DNAJC15: variants seen among roughly 807,000 people sequenced by gnomAD.
The protein encoded by DNAJC15 is DnaJ heat shock protein family (Hsp40) member C15.
DNAJC15 carries 27 observed loss-of-function variants against 22.4 expected under a neutral mutation model. That is an observed-to-expected ratio of 1.20 (90% CI 0.89 to 1.66). The LOEUF (loss-of-function observed/expected upper bound fraction) is 1.66. Ranked by LOEUF, DNAJC15 falls within the 40% of genes most tolerant of loss-of-function variation. DNAJC15 has a pLI of 0.00. For missense variants in DNAJC15, 208 were observed against 187.1 expected, an observed-to-expected ratio of 1.11 and a Z score of -0.65; for synonymous variants, 79 against 63.2, an observed-to-expected ratio of 1.25 and a Z score of -1.19.
At chr13:43,099,214 C>A (rs1035146399) in intron 5 of DNAJC15, among the ~76,000 whole-genome samples, 1 of 152,034 alleles carries the variant, frequency 6.6e-6, no homozygotes. Flanking sequence ...TATAGAAATA[C>A]AATTAAGTTG....
At chr13:43,076,662 A>T (rs536758356) in intron 3 of DNAJC15, among the ~76,000 whole-genome samples, 1 of 152,280 alleles carries the variant, frequency 6.6e-6, no homozygotes, top group Non-Finnish European at 1.5e-5. Context: ...ATATATGTGT[A>T]TGTTTCCTCC....
In DNAJC15 at chr13:43,053,242, A is replaced by G. The variant is rs1357823110; in HGVS notation, c.109-12444A>G. Among the ~76,000 whole-genome samples the G allele has an allele frequency of 2.0e-5, 3 of 152,132 alleles. No individual in the cohort carries two copies. In the East Asian group the frequency reaches 5.8e-4, roughly 29 times the overall value. ...ATTTGGCTTTATTTCTGGGTTCTCT[A>G]TTCTGTTCTATTGGCCTATATGCCT... On this transcript the variant is annotated intron_variant, in intron 1 of 5. Coordinates refer to ENST00000379221, the MANE Select transcript of DNAJC15 (RefSeq NM_013238.3).
intron 5 of DNAJC15, among the ~76,000 whole-genome samples, chr13:43,091,134 G>A (rs187523728): frequency 3.1e-4 from 47 of 151,692 alleles, no homozygotes; most frequent in African/African-American, 1.1e-3. Context: ...ACCTAGGCTG[G>A]AGTGCAGTGG....
chr13:43,103,722 A>T (rs1470624795), intron 5 of DNAJC15, among the ~76,000 whole-genome samples: 1 of 152,156 alleles, frequency 6.6e-6, no homozygotes, highest in Non-Finnish European at 1.5e-5. Context: ...TGTTTTATGC[A>T]TTATTGAGAA....
chr13:43,086,832 T>G (rs2040691100), intron 5 of DNAJC15, among the ~76,000 whole-genome samples: 1 of 152,218 alleles, frequency 6.6e-6, no homozygotes, highest in South Asian at 2.1e-4. Context: ...GAATTACGAT[T>G]TATTTTGAGA....
At chr13:43,076,388 A>T (rs986630645) in intron 3 of DNAJC15, among the ~76,000 whole-genome samples, 8 of 152,182 alleles carry the variant, frequency 5.3e-5, no homozygotes, top group African/African-American at 1.7e-4. Context: ...AAATGGCCAG[A>T]TCTGACTCCC....
intron 1 of DNAJC15, among the ~76,000 whole-genome samples, chr13:43,033,288 A>G (rs1414819457): frequency 2.0e-5 from 3 of 152,200 alleles, no homozygotes; most frequent in Admixed American, 1.3e-4. Context: ...GTGGTGGCAC[A>G]TGCCAGTAGT....
At chr13:43,043,929 A>G (rs2040465023) in intron 1 of DNAJC15, among the ~76,000 whole-genome samples, 1 of 152,222 alleles carries the variant, frequency 6.6e-6, no homozygotes, top group Non-Finnish European at 1.5e-5. Context: ...GGTTCAATTT[A>G]GATATGAAAG....
chr13:43,031,665 A>G (rs2040404459), intron 1 of DNAJC15, among the ~76,000 whole-genome samples: 1 of 152,222 alleles, frequency 6.6e-6, no homozygotes, highest in African/African-American at 2.4e-5. Flanking sequence ...GCAGGTATAG[A>G]TCCTGCTAAT....
rs367928308 is a variant in DNAJC15, at chr13:43,048,424, G to A, written c.109-17262G>A. On this transcript the variant is annotated intron_variant, in intron 1 of 5. Transcript: ENST00000379221. ...GGAGAATCGTTTGAACCCGGGAGGC[G>A]GAGGTTGTGGTGAGCCGAGATTGCG... 1.8e-4 allele frequency among the ~76,000 whole-genome samples: 28 copies of A among 152,362 alleles called. No individual in the cohort carries two copies. In the South Asian group the frequency reaches 5.2e-3, roughly 28 times the overall value.
chr13:43,076,466 A>G (rs906703052), intron 3 of DNAJC15, among the ~76,000 whole-genome samples: 5 of 152,208 alleles, frequency 3.3e-5, no homozygotes, highest in African/African-American at 7.2e-5. Flanking sequence ...CTTTAATTGT[A>G]TAAATAGCCT....
rs950780820 is a variant in DNAJC15, at chr13:43,108,457, A to G, written c.*1209A>G. On this transcript the variant is annotated 3_prime_UTR_variant, in exon 6 of 6. Transcript: ENST00000379221. The stretch of plus-strand genomic sequence containing the variant: ...GAACAGATTCAGATAGAGTGCCAGC[A>G]TTGTTTCCCAGTATTCCTTTACAAA... 6.6e-6 allele frequency: 1 copy of G among 152,202 alleles called. No individual in the cohort carries two copies. Among genetic ancestry groups the G allele is most frequent in the Non-Finnish European group, 1.5e-5 (1 of 68,022 alleles). The allele number at this position is 152,202 out of a possible 1,614,324, so 9.4% of individuals were successfully genotyped here.
At chr13:43,096,993 A>G (rs1353910204) in intron 5 of DNAJC15, among the ~76,000 whole-genome samples, 1 of 152,178 alleles carries the variant, frequency 6.6e-6, no homozygotes, top group African/African-American at 2.4e-5. Context: ...TAACCACCCT[A>G]CCAATCCACA....
chr13:43,023,757 A>T lies in DNAJC15; in HGVS notation c.108+23A>T, dbSNP rs202209205. On this transcript the variant is annotated intron_variant, in intron 1 of 5. Coordinates refer to ENST00000379221, the MANE Select transcript of DNAJC15 (RefSeq NM_013238.3). ...CTGGTGAGTCCTGCCAGCGGCCCCC[A>T]CCCCTCTCTGGCTCCCTTGTAGTTT... is the stretch of plus-strand genomic sequence containing the variant. The T allele has an allele frequency of 7.6e-6, 12 of 1,580,706 alleles. No homozygotes were observed. In the East Asian group the frequency reaches 2.8e-4, roughly 37 times the overall value.
At chr13:43,078,802 G>T in intron 4 of DNAJC15, 114 bp downstream of exon 4, 1 of 772,916 alleles carries the variant, frequency 1.3e-6, no homozygotes, top group Non-Finnish European at 1.9e-6. Context: ...GGTGGCAGAG[G>T]AGAAAATATC....
intron 5 of DNAJC15, among the ~76,000 whole-genome samples, chr13:43,088,241 T>C (rs1425635738): frequency 6.6e-6 from 1 of 152,236 alleles, no homozygotes; most frequent in Non-Finnish European, 1.5e-5. Flanking sequence ...TGTGATACTT[T>C]TGTGCTATGT....
chr13:43,107,103 A>G (rs2153442495), intron 5 of DNAJC15, 75 bp from the exon 6 acceptor site: 3 of 1,169,680 alleles, frequency 2.6e-6, no homozygotes, highest in Non-Finnish European at 3.5e-6. Flanking sequence ...AAAAAAGAGT[A>G]TTTTTATATT....
chr13:43,081,729 G>T (rs917756524), intron 4 of DNAJC15, among the ~76,000 whole-genome samples: 79 of 152,122 alleles, frequency 5.2e-4, no homozygotes, highest in Non-Finnish European at 8.8e-5. Flanking sequence ...AAGCCACCAT[G>T]CCTGGCACAT....
intron 1 of DNAJC15, among the ~76,000 whole-genome samples, chr13:43,050,180 A>C (rs958227097): frequency 6.6e-6 from 1 of 152,162 alleles, no homozygotes; most frequent in Admixed American, 6.5e-5. Flanking sequence ...TCAGCCTCCC[A>C]AAGTGCTGGG....
Sources: gnomAD v4.1 joint callset for allele counts (sites outside exome capture counted in the v4.1 genomes callset) on GRCh38, gnomAD v4.1.1 for gene constraint, MANE v1.5 for transcripts, NCBI Gene and HGNC (gene_info 2026-07-23, HGNC 2026-07-21) for gene names.